The following FBXO6 variants were observed in gnomAD, a reference collection of about 807,000 sequenced individuals.
FBXO6 encodes F-box protein 6.
Under a neutral mutation model 25.0 loss-of-function variants are expected in FBXO6, and 13 were observed. That is an observed-to-expected ratio of 0.52 (90% CI 0.34 to 0.83). The LOEUF is 0.83. Ranked by LOEUF, FBXO6 falls within the 40% of genes least tolerant of loss-of-function variation. The probability of loss-of-function intolerance (pLI) is 0.02; values close to 1 mark genes in which losing one functional copy is unlikely to be tolerated. For missense variants in FBXO6, 370 were observed against 380.2 expected (o/e 0.97, Z 0.22); for synonymous variants, 138 against 155.3 (o/e 0.89, Z 0.83).
intron 1 of FBXO6, among the ~76,000 whole-genome samples, chr1:11,665,823 T>A (rs1459013923): frequency 6.6e-6 from 1 of 151,824 alleles, no homozygotes; most frequent in East Asian, 1.9e-4. Context: ...CCTACCGAAG[T>A]GCTGGGAATA....
At chr1:11,670,530 C>T (rs1049454638) in intron 2 of FBXO6, among the ~76,000 whole-genome samples, 2 of 151,918 alleles carry the variant, frequency 1.3e-5, no homozygotes, top group Non-Finnish European at 2.9e-5. Flanking sequence ...TAACCAAGGG[C>T]CTCTCCCTCC....
At chr1:11,666,808 C>A (rs985014791) in intron 1 of FBXO6, among the ~76,000 whole-genome samples, 4 of 152,144 alleles carry the variant, frequency 2.6e-5, no homozygotes, top group African/African-American at 9.7e-5. Context: ...CTTCAGAAGA[C>A]CATGAACTGC....
intron 1 of FBXO6, among the ~76,000 whole-genome samples, chr1:11,666,679 G>T (rs1052688240): frequency 2.6e-5 from 4 of 152,026 alleles, no homozygotes; most frequent in African/African-American, 4.8e-5. Context: ...ACCGCACCCG[G>T]CCTGCAAAGC....
At chr1:11,668,091 CAAAA>C (rs371283288) in intron 1 of FBXO6, among the ~76,000 whole-genome samples, 1 of 122,412 alleles carries the variant, frequency 8.2e-6, no homozygotes. Context: ...GACTCTGTCT[CAAAA>C]AAAAAAAAAA....
Position 11,673,131 on chromosome 1 carries a change from G to C in FBXO6, c.510-146G>C. Reference sequence around the variant, plus strand: ...CGGGCCACAGTGGGGCATAGGGAGCGCTGAAGCCAGCTGGGCCTTGCAGGC... The same window carrying C: ...CGGGCCACAGTGGGGCATAGGGAGCCCTGAAGCCAGCTGGGCCTTGCAGGC... On this transcript the variant is annotated intron_variant, in intron 4 of 5. Coordinates refer to ENST00000376753, the MANE Select transcript of FBXO6 (RefSeq NM_018438.6). The surrounding 1 kb of genome is among the most constrained non-coding windows in gnomAD (Gnocchi z 4.3). 2 of 977,690 alleles carry C rather than the reference G, an allele frequency of 2.0e-6. No homozygotes were observed. Among genetic ancestry groups the C allele is most frequent in the Non-Finnish European group, 2.9e-6 (2 of 686,332 alleles). The allele number at this position is 977,690 out of a possible 1,614,324, so 60.6% of individuals were successfully genotyped here. A position where few individuals can be genotyped will look rare whatever the true frequency, so the allele number is the denominator to read the frequency against.
At chr1:11,672,133 G>A in intron 4 of FBXO6, 110 bp downstream of exon 4, 1 of 1,006,132 alleles carries the variant, frequency 9.9e-7, no homozygotes, top group Non-Finnish European at 1.5e-6. Context: ...GCAGTGCCCT[G>A]GAGCCAGGTA....
In FBXO6 at chr1:11,673,329, G is replaced by A. The variant is rs755642141; in HGVS notation, c.562G>A (p.Ala188Thr). The A allele has an allele frequency of 1.9e-6, 3 of 1,614,070 alleles. No homozygotes were observed. Among genetic ancestry groups the A allele is most frequent in the Non-Finnish European group, 2.5e-6 (3 of 1,180,004 alleles). Reference protein sequence around the residue: ...GCTYQLKVQLASADYFVLASF... With the variant: ...GCTYQLKVQLTSADYFVLASF... ...CACCTACCAACTCAAAGTGCAGCTG[G>A]CCTCGGCTGACTACTTCGTGTTGGC... Residue 188 changes from alanine (A) to threonine (T), a missense_variant, in exon 5 of 6, where the codon GCC becomes ACC. Coordinates refer to ENST00000376753, the MANE Select transcript of FBXO6 (RefSeq NM_018438.6). This position sits in a 1 kb window ranked among gnomAD's most constrained non-coding sequence, Gnocchi z 4.3.
chr1:11,671,603 G>A (rs953634261), intron 3 of FBXO6, among the ~76,000 whole-genome samples: 15 of 152,340 alleles, frequency 9.8e-5, no homozygotes, highest in African/African-American at 3.6e-4. Context: ...AGCAGGCCAG[G>A]AGTCCATTGG....
chr1:11,667,693 T>C (rs571970019), intron 1 of FBXO6, among the ~76,000 whole-genome samples: 2 of 152,144 alleles, frequency 1.3e-5, no homozygotes, highest in Non-Finnish European at 2.9e-5. Flanking sequence ...GGTTGTTTTA[T>C]CACATGTGAC....
intron 2 of FBXO6, among the ~76,000 whole-genome samples, chr1:11,669,674 G>GTATATATATA: frequency 1.1e-5 from 1 of 94,338 alleles, no homozygotes; most frequent in Admixed American, 1.0e-4. Context: ...ATGTATATAT[G>GTATATATATA]TACACATATA....
Position 11,671,324 on chromosome 1 carries a change from C to G in FBXO6, c.345C>G (p.Ser115Arg). The change falls in exon 3 of 6, where the codon AGC becomes AGG. Residue 115 changes from serine (S) to arginine (R), a missense_variant. Physicochemically the swap from Ser to Arg is moderately radical, Grantham distance 110. Coordinates refer to ENST00000376753, the MANE Select transcript of FBXO6 (RefSeq NM_018438.6). ...FNGGDRWKVE[S>R]LPGAHGTDFP... Reference sequence around the variant, plus strand: ...GTGGGGACCGCTGGAAGGTGGAGAGCCTCCCTGGAGCCCACGGGACAGATT... The same window carrying G: ...GTGGGGACCGCTGGAAGGTGGAGAGGCTCCCTGGAGCCCACGGGACAGATT... 1.2e-6 allele frequency: 2 copies of G among 1,614,084 alleles called. No homozygotes were observed.
intron 2 of FBXO6, among the ~76,000 whole-genome samples, chr1:11,669,769 T>C (rs1396325800): frequency 6.9e-6 from 1 of 145,838 alleles, no homozygotes; most frequent in East Asian, 2.1e-4. Flanking sequence ...CACAAGTAGT[T>C]GGGATTACAG....
At chr1:11,665,329 G>A (rs1303517423) in intron 1 of FBXO6, among the ~76,000 whole-genome samples, 6 of 135,502 alleles carry the variant, frequency 4.4e-5, no homozygotes, top group Non-Finnish European at 7.8e-5. Flanking sequence ...GGTTCAGGCC[G>A]TCCTCCTGCC....
intron 4 of FBXO6, among the ~76,000 whole-genome samples, chr1:11,672,826 G>A (rs1269156205): frequency 1.3e-5 from 2 of 152,240 alleles, no homozygotes; most frequent in South Asian, 2.1e-4. Context: ...AGGATAAAGC[G>A]GTGAGGATGG....
chr1:11,670,889 C>T (rs928325577), intron 2 of FBXO6, among the ~76,000 whole-genome samples: 2 of 152,206 alleles, frequency 1.3e-5, no homozygotes, highest in Admixed American at 6.5e-5. Flanking sequence ...TCTGGTAACA[C>T]GCATTCTTTT....
intron 1 of FBXO6, 58 bp from the exon 2 acceptor site, chr1:11,668,598 C>T: frequency 6.3e-7 from 1 of 1,579,444 alleles, no homozygotes; most frequent in Non-Finnish European, 8.6e-7. Flanking sequence ...GCCTGGTTCC[C>T]TGGGGACCTG....
chr1:11,673,820 C>A lies in FBXO6; in HGVS notation c.851C>A (p.Ser284Ter). 6.2e-7 allele frequency: 1 copy of A among 1,614,116 alleles called. No individual in the cohort carries two copies. The highest frequency in any genetic ancestry group is 8.5e-7 in the Non-Finnish European group (1 of 1,180,034). The change falls in exon 6 of 6, where the codon TCG becomes TAG. Residue 284 changes from serine (S) to a stop codon, truncating the protein, a stop_gained. Coordinates refer to ENST00000376753, the MANE Select transcript of FBXO6 (RefSeq NM_018438.6). LOFTEE classifies it low-confidence loss of function (END_TRUNC). The surrounding 1 kb of genome is among the most constrained non-coding windows in gnomAD (Gnocchi z 4.3). ...CATGGACAGGAGGAGGCTGCCCAAT[C>A]GCCCTACCGAGCTGTTGTCCAGATT... ...QKHGQEEAAQ[S>*]PYRAVVQIF
At chr1:11,670,817 A>G (rs1310035963) in intron 2 of FBXO6, among the ~76,000 whole-genome samples, 1 of 152,156 alleles carries the variant, frequency 6.6e-6, no homozygotes, top group Non-Finnish European at 1.5e-5. Flanking sequence ...GAGAACTGAT[A>G]CTTGGGTATT....
In FBXO6 at chr1:11,673,353, G is replaced by A; in HGVS notation, c.586G>A (p.Ala196Thr). 6.2e-7 allele frequency: 1 copy of A among 1,614,048 alleles called. No individual in the cohort carries two copies. Among genetic ancestry groups the A allele is most frequent in the Non-Finnish European group, 8.5e-7 (1 of 1,179,996 alleles). Residue 196 changes from alanine to threonine, a missense_variant, in exon 5 of 6, where the codon GCC (alanine) becomes ACC (threonine). Physicochemically the swap from Ala to Thr is moderately conservative, Grantham distance 58. Coordinates refer to ENST00000376753, the MANE Select transcript of FBXO6 (RefSeq NM_018438.6). This position sits in a 1 kb window ranked among gnomAD's most constrained non-coding sequence, Gnocchi z 4.3. ...GGCCTCGGCTGACTACTTCGTGTTG[G>A]CCTCCTTCGAGCCCCCACCTGTGAC... ...QLASADYFVLASFEPPPVTIQ... is the reference protein window; with the variant it reads ...QLASADYFVLTSFEPPPVTIQ...
Sources: allele counts gnomAD v4.1 joint callset (sites outside exome capture counted in the v4.1 genomes callset), GRCh38; gene constraint gnomAD v4.1.1; non-coding constraint Gnocchi (gnomAD v3.1); transcripts MANE v1.5; gene names NCBI Gene and HGNC (gene_info 2026-07-23, HGNC 2026-07-21).